The following IL1RAPL2 variants were observed in gnomAD, a reference collection of about 807,000 sequenced individuals.
IL1RAPL2 encodes X-linked interleukin-1 receptor accessory protein-like 2.
A neutral mutation model predicts 44.1 loss-of-function variants in IL1RAPL2; 3 were observed. The observed-to-expected ratio is 0.07, with a 90% CI of 0.03 to 0.18. IL1RAPL2 has a LOEUF of 0.18. Ranked by LOEUF, IL1RAPL2 falls within the 10% of genes least tolerant of loss-of-function variation. The pLI is 1.00. For synonymous variants in IL1RAPL2, 181 were observed against 178.8 expected, an observed-to-expected ratio of 1.01 and a Z score of -0.10; for missense variants, 391 against 496.4, an observed-to-expected ratio of 0.79 and a Z score of 2.02.
At chrX:105,471,699 G>C (rs1452354399) in intron 5 of IL1RAPL2, among the ~76,000 whole-genome samples, 1 of 110,800 alleles carries the variant, frequency 9.0e-6, no homozygotes, top group Non-Finnish European at 1.9e-5. Context: ...GATCCTAAAG[G>C]GTTGGGTTTT....
intron 6 of IL1RAPL2, among the ~76,000 whole-genome samples, chrX:105,636,613 C>A (rs750889804): frequency 9.0e-6 from 1 of 111,218 alleles, no homozygotes; most frequent in African/African-American, 3.3e-5. Flanking sequence ...AGCTATATGC[C>A]AGGTTCTGTG....
intron 6 of IL1RAPL2, among the ~76,000 whole-genome samples, chrX:105,682,366 T>C (rs187244331): frequency 9.0e-6 from 1 of 111,731 alleles, no homozygotes; most frequent in East Asian, 2.8e-4. Context: ...CATCTGTATA[T>C]TAATAAAACT....
chrX:105,592,679 C>T (rs1441518916), intron 6 of IL1RAPL2, among the ~76,000 whole-genome samples: 1 of 111,755 alleles, frequency 8.9e-6, no homozygotes, highest in African/African-American at 3.3e-5. Context: ...ATTTCTTCTT[C>T]ACTTATGAAG....
intron 6 of IL1RAPL2, among the ~76,000 whole-genome samples, chrX:105,524,782 CA>C (rs1296312787): frequency 1.8e-5 from 2 of 110,493 alleles, no homozygotes; most frequent in Non-Finnish European, 3.8e-5. Context: ...GGTTAAATTC[CA>C]ATTCTGTCAC....
chrX:105,531,186 C>T (rs2036632952), intron 6 of IL1RAPL2, among the ~76,000 whole-genome samples: 1 of 111,701 alleles, frequency 9.0e-6, no homozygotes, highest in Non-Finnish European at 1.9e-5. Context: ...ATGAGGGTTC[C>T]CTTTTCTCCA....
intron 7 of IL1RAPL2, among the ~76,000 whole-genome samples, chrX:105,721,966 G>T (rs7051688): frequency 0.043 from 4,820 of 112,027 alleles, 269 homozygotes; most frequent in African/African-American, 0.15. Context: ...CTAAGATACA[G>T]TCACTCATTT....
intron 5 of IL1RAPL2, among the ~76,000 whole-genome samples, chrX:105,370,070 A>T (rs2035325912): frequency 8.9e-6 from 1 of 111,853 alleles, no homozygotes; most frequent in African/African-American, 3.3e-5. Context: ...GCCTTTTCAA[A>T]AGGGAATATA....
At chrX:105,205,990 G>C (rs1228791649) in intron 3 of IL1RAPL2, among the ~76,000 whole-genome samples, 2 of 110,540 alleles carry the variant, frequency 1.8e-5, no homozygotes, top group Admixed American at 1.9e-4. Context: ...ATGAATCCCA[G>C]ATATATATTG....
At chrX:105,247,863 A>G (rs939864704) in intron 4 of IL1RAPL2, among the ~76,000 whole-genome samples, 2 of 110,321 alleles carry the variant, frequency 1.8e-5, no homozygotes, top group Middle Eastern at 4.7e-3. Flanking sequence ...GCATACATAT[A>G]TAAAACACAT....
intron 5 of IL1RAPL2, among the ~76,000 whole-genome samples, chrX:105,463,341 T>C (rs940072699): frequency 1.2e-4 from 13 of 111,195 alleles, no homozygotes; most frequent in African/African-American, 3.9e-4. Context: ...AAGGATAAGC[T>C]CTTGCCTTCG....
chrX:104,774,248 C>A (rs773771926), intron 2 of IL1RAPL2, among the ~76,000 whole-genome samples: 30 of 111,648 alleles, frequency 2.7e-4, no homozygotes, highest in Non-Finnish European at 5.3e-4. Context: ...CAAGAGACAT[C>A]TAACTAGGAT....
intron 5 of IL1RAPL2, among the ~76,000 whole-genome samples, chrX:105,342,890 G>A (rs2035082344): frequency 9.0e-6 from 1 of 111,486 alleles, no homozygotes; most frequent in South Asian, 3.8e-4. Context: ...TTTGGGGGAT[G>A]AATTTTGAAA....
chrX:104,796,759 CT>C (rs946960797), intron 2 of IL1RAPL2, among the ~76,000 whole-genome samples: 3 of 110,673 alleles, frequency 2.7e-5, no homozygotes, highest in African/African-American at 9.9e-5. Flanking sequence ...TTTTTTGGTT[CT>C]TTTTTTGTTT....
intron 2 of IL1RAPL2, among the ~76,000 whole-genome samples, chrX:104,714,024 A>G (rs944766837): frequency 1.1e-4 from 12 of 110,951 alleles, no homozygotes; most frequent in African/African-American, 1.6e-4. Context: ...TTTTGAGACT[A>G]TGGGGTTTTT....
At chrX:105,731,260 C>T (rs11092543) in intron 7 of IL1RAPL2, among the ~76,000 whole-genome samples, 20,688 of 109,535 alleles carry the variant, frequency 0.19, 2,292 homozygotes, top group African/African-American at 0.41. Context: ...TACTAATGAA[C>T]CCGAAAACCT....
At chrX:105,039,204 C>T (rs2031678686) in intron 2 of IL1RAPL2, among the ~76,000 whole-genome samples, 1 of 111,612 alleles carries the variant, frequency 9.0e-6, no homozygotes, top group African/African-American at 3.3e-5. Context: ...TTAGTACAAG[C>T]TACAAGGTGC....
intron 2 of IL1RAPL2, among the ~76,000 whole-genome samples, chrX:105,059,687 T>C (rs369488624): frequency 9.0e-6 from 1 of 110,990 alleles, no homozygotes; most frequent in African/African-American, 3.3e-5. Flanking sequence ...TCTGTCACCA[T>C]GCCCAGTGAA....
At chrX:105,034,945 C>T (rs866305422) in intron 2 of IL1RAPL2, among the ~76,000 whole-genome samples, 236 of 104,397 alleles carry the variant, frequency 2.3e-3, no homozygotes, top group African/African-American at 7.4e-3. Context: ...GCAATGCGGG[C>T]GCCCCTCCCC....
At chrX:105,075,684 G>C (rs1476610174) in intron 2 of IL1RAPL2, among the ~76,000 whole-genome samples, 3 of 111,607 alleles carry the variant, frequency 2.7e-5, no homozygotes, top group Non-Finnish European at 3.8e-5. Flanking sequence ...GACTTTTTTT[G>C]GTTGGTAAGC....
Sources: gnomAD v4.1 joint callset for allele counts (sites outside exome capture counted in the v4.1 genomes callset) on GRCh38, gnomAD v4.1.1 for gene constraint, MANE v1.5 for transcripts, NCBI Gene and HGNC (gene_info 2026-07-23, HGNC 2026-07-21) for gene names.